KCNB2: variants seen among roughly 807,000 people sequenced by gnomAD.
KCNB2 encodes the protein delayed rectifier potassium channel protein.
KCNB2 carries 15 observed loss-of-function variants against 61.5 expected under a neutral mutation model. The observed-to-expected ratio is 0.24, with a 90% confidence interval of 0.16 to 0.38. The LOEUF (loss-of-function observed/expected upper bound fraction) is 0.38, where lower values mean the gene tolerates loss of function less well. KCNB2 is among the 10% of genes least tolerant of loss of function. The pLI, the probability that KCNB2 is intolerant of heterozygous loss-of-function variation, is 1.00. For missense variants in KCNB2, 828 were observed against 1,125.2 expected, an observed-to-expected ratio of 0.74 and a Z score of 3.78; for synonymous variants, 457 against 446.0, an observed-to-expected ratio of 1.02 and a Z score of -0.31.
chr8:72,894,840 G>C (rs77074057), intron 2 of KCNB2, among the ~76,000 whole-genome samples: 1 of 152,142 alleles, frequency 6.6e-6, no homozygotes, highest in African/African-American at 2.4e-5. Flanking sequence ...AGACCATCTG[G>C]ACATTCAGTG....
intron 2 of KCNB2, among the ~76,000 whole-genome samples, chr8:72,865,598 C>G (rs1267776417): frequency 6.6e-6 from 1 of 152,056 alleles, no homozygotes; most frequent in Non-Finnish European, 1.5e-5. Flanking sequence ...TAGTCTTCAC[C>G]CCTCCTTCGT....
intron 1 of KCNB2, among the ~76,000 whole-genome samples, chr8:72,561,731 A>ATATATATGTG (rs1806525887): frequency 2.3e-4 from 5 of 21,338 alleles, no homozygotes; most frequent in Admixed American, 7.3e-4. Context: ...ATATATATCT[A>ATATATATGTG]TATCTATATA....
intron 2 of KCNB2, among the ~76,000 whole-genome samples, chr8:72,852,541 A>C (rs560071220): frequency 6.6e-6 from 1 of 152,298 alleles, no homozygotes; most frequent in South Asian, 2.1e-4. Flanking sequence ...AGCAGAATAT[A>C]TTATTAAATA....
At chr8:72,717,810 A>C (rs1438173716) in intron 2 of KCNB2, among the ~76,000 whole-genome samples, 1 of 152,242 alleles carries the variant, frequency 6.6e-6, no homozygotes, top group Non-Finnish European at 1.5e-5. Context: ...AAAATTGACA[A>C]ATGGGATCTA....
At position 72,885,120 on chromosome 8, in the gene KCNB2, T is replaced by G. The variant is rs1805780425; in HGVS notation, c.580-50815T>G. ...ATATGATCATATATGGTTTATGACATAATCTCCTTTATAGTATATTCATTA... is the reference window on the plus strand; with the variant it reads ...ATATGATCATATATGGTTTATGACAGAATCTCCTTTATAGTATATTCATTA... On this transcript the variant is annotated intron_variant, in intron 2 of 2. Transcript: ENST00000523207. Among the ~76,000 whole-genome samples the G allele has an allele frequency of 4.6e-5, 7 of 152,290 alleles. No individual in the cohort carries two copies. The South Asian group carries it at 1.2e-3, about 27-fold the overall frequency.
intron 2 of KCNB2, among the ~76,000 whole-genome samples, chr8:72,778,752 A>AG (rs1808703462): frequency 6.9e-6 from 1 of 145,326 alleles, no homozygotes; most frequent in African/African-American, 2.5e-5. Flanking sequence ...AAAAAAAAAA[A>AG]AAAAAAAAAA....
At chr8:72,726,546 T>G (rs1177949795) in intron 2 of KCNB2, among the ~76,000 whole-genome samples, 1 of 152,188 alleles carries the variant, frequency 6.6e-6, no homozygotes, top group Admixed American at 6.5e-5. Context: ...TAAGACAGTA[T>G]TAACTATGGT....
At chr8:72,652,284 G>A (rs1447918718) in intron 2 of KCNB2, among the ~76,000 whole-genome samples, 1 of 152,078 alleles carries the variant, frequency 6.6e-6, no homozygotes, top group Non-Finnish European at 1.5e-5. Flanking sequence ...TCATGCTCAT[G>A]CCGTAAATTG....
chr8:72,737,904 C>G (rs543185972), intron 2 of KCNB2, among the ~76,000 whole-genome samples: 1 of 152,050 alleles, frequency 6.6e-6, no homozygotes. Flanking sequence ...TCAGGTACCA[C>G]TAAAAAAATA....
At chr8:72,546,474 A>G (rs1209904745) in intron 1 of KCNB2, among the ~76,000 whole-genome samples, 31 of 151,414 alleles carry the variant, frequency 2.0e-4, no homozygotes, top group African/African-American at 7.5e-4. Flanking sequence ...CCGAGATTGC[A>G]CCACTGCACT....
At chr8:72,745,819 G>T (rs574569604) in intron 2 of KCNB2, among the ~76,000 whole-genome samples, 1 of 152,134 alleles carries the variant, frequency 6.6e-6, no homozygotes, top group South Asian at 2.1e-4. Flanking sequence ...GGTCTTCCTG[G>T]CATAGCCAGT....
At chr8:72,898,929 A>T (rs534115344) in intron 2 of KCNB2, among the ~76,000 whole-genome samples, 1 of 152,228 alleles carries the variant, frequency 6.6e-6, no homozygotes, top group African/African-American at 2.4e-5. Context: ...TTGGCTTAGA[A>T]TTATGGCCTC....
chr8:72,786,293 C>T (rs992611861), intron 2 of KCNB2, among the ~76,000 whole-genome samples: 8 of 152,198 alleles, frequency 5.3e-5, no homozygotes, highest in African/African-American at 1.9e-4. Flanking sequence ...CATTTTATGA[C>T]AAATCTCTTA....
At chr8:72,767,257 T>G (rs1429974003) in intron 2 of KCNB2, among the ~76,000 whole-genome samples, 1 of 152,202 alleles carries the variant, frequency 6.6e-6, no homozygotes, top group Admixed American at 6.5e-5. Context: ...TTTAATATCT[T>G]TATTGATATA....
intron 2 of KCNB2, among the ~76,000 whole-genome samples, chr8:72,625,707 G>C (rs190665614): frequency 6.6e-6 from 1 of 152,090 alleles, no homozygotes; most frequent in Non-Finnish European, 1.5e-5. Flanking sequence ...CTGGGATTGC[G>C]GGCATGAGCC....
At chr8:72,774,795 T>C (rs1412557378) in intron 2 of KCNB2, among the ~76,000 whole-genome samples, 1 of 152,174 alleles carries the variant, frequency 6.6e-6, no homozygotes, top group Non-Finnish European at 1.5e-5. Flanking sequence ...GATCAGTAAC[T>C]ACAAATAAAA....
At chr8:72,770,159 C>G (rs915638895) in intron 2 of KCNB2, among the ~76,000 whole-genome samples, 3 of 152,142 alleles carry the variant, frequency 2.0e-5, no homozygotes, top group Non-Finnish European at 2.9e-5. Flanking sequence ...CCTATAGCTA[C>G]AGCAACTAAA....
chr8:72,830,818 G>A (rs1809681292), intron 2 of KCNB2, among the ~76,000 whole-genome samples: 1 of 152,090 alleles, frequency 6.6e-6, no homozygotes, highest in African/African-American at 2.4e-5. Flanking sequence ...TTGTGGCACT[G>A]GGCAAAAGAA....
At chr8:72,727,264 A>G in intron 2 of KCNB2, among the ~76,000 whole-genome samples, 1 of 152,152 alleles carries the variant, frequency 6.6e-6, no homozygotes, top group South Asian at 2.1e-4. Flanking sequence ...CATTTGCCTA[A>G]TTTCCACACA....
Sources: allele counts gnomAD v4.1 joint callset (sites outside exome capture counted in the v4.1 genomes callset), GRCh38; gene constraint gnomAD v4.1.1; transcripts MANE v1.5; gene names NCBI Gene and HGNC (gene_info 2026-07-23, HGNC 2026-07-21).